Variants in SNX29 observed in about 807,000 individuals in gnomAD.
SNX29 encodes sorting nexin 29.
SNX29 carries 78 observed loss-of-function variants against 102.1 expected under a neutral mutation model. The ratio of observed to expected loss-of-function variants is 0.76; its 90% CI spans 0.64 to 0.92. SNX29 has a LOEUF of 0.92. Among genes scored for constraint, SNX29 ranks in the 40% least tolerant of loss-of-function variants. SNX29 has a pLI of 0.00. For synonymous variants in SNX29, 580 were observed against 414.5 expected (o/e 1.40, Z -4.85); for missense variants, 1,280 against 1,061.7 (o/e 1.21, Z -2.86).
intron 14 of SNX29, among the ~76,000 whole-genome samples, chr16:12,254,645 CAA>C (rs112978310): frequency 1.4e-5 from 2 of 139,210 alleles, no homozygotes; most frequent in Non-Finnish European, 1.6e-5. Context: ...ACTCCATCTC[CAA>C]AAAAAAAAAA....
At position 12,568,824 on chromosome 16, in the gene SNX29, G is replaced by C. The variant is rs1273795294; in HGVS notation, c.*195G>C. 41 of 852,198 alleles carry C rather than the reference G, an allele frequency of 4.8e-5. No individual in the cohort carries two copies. Among genetic ancestry groups the C allele is most frequent in the South Asian group, 1.6e-4 (9 of 54,798 alleles). 52.8% of individuals were successfully genotyped at this position (852,198 alleles called of 1,614,324 possible). A position where few individuals can be genotyped will look rare whatever the true frequency, so the allele number is the denominator to read the frequency against. ...AGCCGCATGATACCGTGACCCGAGAGACCAAGGCAGCACCTCGCTGGAGAG... is the reference window on the plus strand; with the variant it reads ...AGCCGCATGATACCGTGACCCGAGACACCAAGGCAGCACCTCGCTGGAGAG... On this transcript the variant is annotated 3_prime_UTR_variant, in exon 21 of 21. Coordinates refer to ENST00000566228, the MANE Select transcript of SNX29 (RefSeq NM_032167.5).
Position 12,569,362 on chromosome 16 carries a change from A to C in SNX29, c.*733A>C, listed in dbSNP as rs2079136600. On this transcript the variant is annotated 3_prime_UTR_variant, in exon 21 of 21. Coordinates refer to ENST00000566228, the MANE Select transcript of SNX29 (RefSeq NM_032167.5). Reference sequence around the variant, plus strand: ...CCACCTAGGCCCTCGCCAGGCTTGGAGTGGGGGGACTCAGACATCTGGCCC... The same window carrying C: ...CCACCTAGGCCCTCGCCAGGCTTGGCGTGGGGGGACTCAGACATCTGGCCC... 4.3e-6 allele frequency: 1 copy of C among 230,132 alleles called. No homozygotes were observed. Among genetic ancestry groups the C allele is most frequent in the Non-Finnish European group, 8.6e-6 (1 of 116,224 alleles). 14.3% of individuals were successfully genotyped at this position (230,132 alleles called of 1,614,324 possible).
At chr16:12,259,471 G>C (rs2078669980) in intron 14 of SNX29, among the ~76,000 whole-genome samples, 4 of 152,228 alleles carry the variant, frequency 2.6e-5, no homozygotes, top group Admixed American at 2.6e-4. Flanking sequence ...ATGTTTCTCT[G>C]CCTCCTCCAG....
At chr16:12,466,585 C>T (rs1428688434) in intron 18 of SNX29, among the ~76,000 whole-genome samples, 1 of 152,188 alleles carries the variant, frequency 6.6e-6, no homozygotes, top group Non-Finnish European at 1.5e-5. Flanking sequence ...AAGGGGCCTT[C>T]ATGCCTTGCT....
chr16:12,266,631 A>G (rs1021566618), intron 14 of SNX29, among the ~76,000 whole-genome samples: 1 of 146,876 alleles, frequency 6.8e-6, no homozygotes. Flanking sequence ...GAACCCAGAG[A>G]TGGCGTGTGT....
At chr16:12,326,735 G>A (rs2151196245) in intron 15 of SNX29, among the ~76,000 whole-genome samples, 1 of 143,688 alleles carries the variant, frequency 7.0e-6, no homozygotes, top group East Asian at 2.1e-4. Flanking sequence ...CTGTGCTGTT[G>A]TTTTCTTGGA....
intron 13 of SNX29, among the ~76,000 whole-genome samples, chr16:12,159,538 C>T (rs1466640924): frequency 2.0e-5 from 3 of 152,108 alleles, no homozygotes; most frequent in African/African-American, 7.2e-5. Flanking sequence ...AGAGACATGG[C>T]TGTGTATTTC....
intron 3 of SNX29, among the ~76,000 whole-genome samples, chr16:12,016,574 A>G (rs1484492787): frequency 3.3e-5 from 5 of 152,262 alleles, no homozygotes; most frequent in South Asian, 2.1e-4. Context: ...TGTCCTTGCT[A>G]GCATTTGATT....
At chr16:12,232,941 G>A (rs1384381656) in intron 14 of SNX29, among the ~76,000 whole-genome samples, 11 of 152,282 alleles carry the variant, frequency 7.2e-5, no homozygotes, top group Non-Finnish European at 1.5e-5. Context: ...TGGTCCACCC[G>A]GAACTTGTCC....
chr16:12,495,628 C>T (rs1423972542), intron 19 of SNX29, among the ~76,000 whole-genome samples: 3 of 152,264 alleles, frequency 2.0e-5, no homozygotes, highest in Middle Eastern at 6.8e-3. Flanking sequence ...GCCGGCGGAG[C>T]CATTGAAGGA....
At chr16:12,174,466 C>G (rs910801850) in intron 13 of SNX29, among the ~76,000 whole-genome samples, 1 of 152,174 alleles carries the variant, frequency 6.6e-6, no homozygotes, top group African/African-American at 2.4e-5. Flanking sequence ...GAGAATCTAG[C>G]TGTTGCTGCC....
At chr16:12,400,284 C>G (rs1045636493) in intron 17 of SNX29, among the ~76,000 whole-genome samples, 1 of 152,204 alleles carries the variant, frequency 6.6e-6, no homozygotes, top group Non-Finnish European at 1.5e-5. Flanking sequence ...CCTGGCAGTT[C>G]CGCTCCTCTA....
At chr16:12,337,060 A>G (rs2081473249) in intron 15 of SNX29, among the ~76,000 whole-genome samples, 1 of 152,186 alleles carries the variant, frequency 6.6e-6, no homozygotes, top group African/African-American at 2.4e-5. Context: ...TCTCAGTTTG[A>G]TCTTAACCAT....
At chr16:12,151,041 C>G (rs1026408149) in intron 13 of SNX29, among the ~76,000 whole-genome samples, 1 of 152,096 alleles carries the variant, frequency 6.6e-6, no homozygotes, top group Non-Finnish European at 1.5e-5. Context: ...TTTGTTTCTG[C>G]TTTTTATTTA....
chr16:12,112,017 G>A (rs1182939950), intron 11 of SNX29, among the ~76,000 whole-genome samples: 1 of 152,192 alleles, frequency 6.6e-6, no homozygotes, highest in Non-Finnish European at 1.5e-5. Context: ...GGGCTCTGCT[G>A]GCAGAGGATG....
chr16:12,248,236 C>T (rs986388156), intron 14 of SNX29, among the ~76,000 whole-genome samples: 1 of 152,186 alleles, frequency 6.6e-6, no homozygotes, highest in Admixed American at 6.5e-5. Context: ...CCCACAGGAT[C>T]CAGCCCTGGC....
chr16:12,045,309 G>A (rs1447330128), intron 5 of SNX29, among the ~76,000 whole-genome samples: 4 of 152,138 alleles, frequency 2.6e-5, no homozygotes, highest in Non-Finnish European at 4.4e-5. Flanking sequence ...TTGCTTTAGC[G>A]AAATTGACTT....
In SNX29 at chr16:12,573,037, C is replaced by G; in HGVS notation, c.*4408C>G. 1 of 248,004 alleles carries G rather than the reference C, an allele frequency of 4.0e-6. No individual in the cohort carries two copies. The highest frequency in any genetic ancestry group is 7.5e-6 in the Non-Finnish European group (1 of 132,576). The allele number at this position is 248,004 out of a possible 1,614,324, so 15.4% of individuals were successfully genotyped here. A position where few individuals can be genotyped will look rare whatever the true frequency, so the allele number is the denominator to read the frequency against. ...TGCTGTTTTTAGATTGGCGTCCGTG[C>G]TAATTCTGCAGTTGTAGCACTGTAT... On this transcript the variant is annotated 3_prime_UTR_variant, in exon 21 of 21. Coordinates refer to ENST00000566228, the MANE Select transcript of SNX29 (RefSeq NM_032167.5).
intron 18 of SNX29, among the ~76,000 whole-genome samples, chr16:12,462,248 C>G (rs1365566235): frequency 1.3e-5 from 2 of 151,710 alleles, no homozygotes; most frequent in African/African-American, 4.8e-5. Flanking sequence ...CCGCCATTCA[C>G]TCTTGGACAT....
Sources: allele counts gnomAD v4.1 joint callset (sites outside exome capture counted in the v4.1 genomes callset), GRCh38; gene constraint gnomAD v4.1.1; transcripts MANE v1.5; gene names NCBI Gene and HGNC (gene_info 2026-07-23, HGNC 2026-07-21).